The following GRM7 variants were observed in gnomAD, a reference collection of about 807,000 sequenced individuals.
GRM7 encodes glutamate metabotropic receptor 7, also known as metabotropic glutamate receptor 7.
In GRM7, 35 loss-of-function variants were observed where a neutral mutation model predicts 84.5. That is an observed-to-expected ratio of 0.41 (90% CI 0.32 to 0.55). The LOEUF is 0.55. Among genes scored for constraint, GRM7 ranks in the 20% least tolerant of loss-of-function variants. GRM7 has a pLI of 0.19. For missense variants in GRM7, 1,003 were observed against 1,194.6 expected (o/e 0.84, Z 2.36); for synonymous variants, 487 against 455.1 (o/e 1.07, Z -0.89).
At chr3:7,113,246 T>A (rs1314688636) in intron 1 of GRM7, among the ~76,000 whole-genome samples, 2 of 152,174 alleles carry the variant, frequency 1.3e-5, no homozygotes, top group Non-Finnish European at 2.9e-5. Flanking sequence ...TGTCATAGTT[T>A]AATTATAGTG....
At chr3:7,705,508 G>A (rs1701356549) in intron 9 of GRM7, among the ~76,000 whole-genome samples, 1 of 152,148 alleles carries the variant, frequency 6.6e-6, no homozygotes, top group Admixed American at 6.5e-5. Flanking sequence ...CTGCAACTGT[G>A]AAAAACCTCT....
At position 7,531,743 on chromosome 3, in the gene GRM7, C is replaced by T. The variant is rs541119617; in HGVS notation, c.1516-46679C>T. The stretch of plus-strand genomic sequence containing the variant: ...TTTTCTAAATAGACAATCATGTAAT[C>T]TGCAAACAGAGACAATTTGACTTCC... On this transcript the variant is annotated intron_variant, in intron 7 of 9. Transcript: ENST00000357716. Among the ~76,000 whole-genome samples, 59 of 152,260 alleles carry T rather than the reference C, an allele frequency of 3.9e-4. No homozygotes were observed. The South Asian group carries it at 0.012, about 31-fold the overall frequency.
rs532417182 is a variant in GRM7, at chr3:6,968,017, T to A, written c.519+106110T>A. ...AGGGACATTGATTTACCCTGAGACT[T>A]GTGTATTCCCTAGGGCTGCCATAAC... On this transcript the variant is annotated intron_variant, in intron 1 of 9. Transcript: ENST00000357716. Among the ~76,000 whole-genome samples the A allele has an allele frequency of 3.8e-4, 58 of 152,306 alleles. No individual in the cohort carries two copies. The South Asian group carries it at 4.4e-3, about 11-fold the overall frequency.
chr3:6,894,416 A>C (rs913627920), intron 1 of GRM7, among the ~76,000 whole-genome samples: 1 of 152,154 alleles, frequency 6.6e-6, no homozygotes, highest in Non-Finnish European at 1.5e-5. Flanking sequence ...ATGATTCTTT[A>C]GGTGATATTA....
At chr3:7,034,573 A>G (rs1435892845) in intron 1 of GRM7, among the ~76,000 whole-genome samples, 1 of 152,228 alleles carries the variant, frequency 6.6e-6, no homozygotes, top group Admixed American at 6.5e-5. Flanking sequence ...GAACTTCATT[A>G]TTACTTTTTT....
At chr3:7,444,607 T>C (rs1249765346) in intron 5 of GRM7, among the ~76,000 whole-genome samples, 1 of 152,172 alleles carries the variant, frequency 6.6e-6, no homozygotes. Flanking sequence ...AGGACACCTT[T>C]CACATGTTTG....
At chr3:6,877,514 A>G (rs999858526) in intron 1 of GRM7, among the ~76,000 whole-genome samples, 2 of 152,182 alleles carry the variant, frequency 1.3e-5, no homozygotes, top group Non-Finnish European at 2.9e-5. Context: ...TTACATGCCA[A>G]GCAAGGGCCT....
At chr3:7,484,468 G>A (rs994689616) in intron 7 of GRM7, among the ~76,000 whole-genome samples, 3 of 152,144 alleles carry the variant, frequency 2.0e-5, no homozygotes, top group Admixed American at 6.6e-5. Context: ...TACCCATAAA[G>A]TGTGAGAGTA....
intron 8 of GRM7, among the ~76,000 whole-genome samples, chr3:7,664,443 T>TG (rs1420585872): frequency 2.6e-5 from 4 of 152,214 alleles, no homozygotes; most frequent in South Asian, 4.1e-4. Context: ...ACTGGAGATC[T>TG]GGGGTACCTT....
chr3:7,122,952 G>A (rs1034669795), intron 1 of GRM7, among the ~76,000 whole-genome samples: 1 of 152,088 alleles, frequency 6.6e-6, no homozygotes, highest in Admixed American at 6.5e-5. Flanking sequence ...TATAAAACAA[G>A]CATTCCTGAG....
chr3:7,580,419 A>C (rs1189585384), intron 8 of GRM7, among the ~76,000 whole-genome samples: 1 of 152,176 alleles, frequency 6.6e-6, no homozygotes, highest in Non-Finnish European at 1.5e-5. Context: ...TCAGGGACTC[A>C]AATGGGAAAA....
intron 8 of GRM7, among the ~76,000 whole-genome samples, chr3:7,663,823 C>A (rs1337611394): frequency 6.6e-6 from 1 of 152,120 alleles, no homozygotes; most frequent in African/African-American, 2.4e-5. Flanking sequence ...TTATAAACAG[C>A]CTTTATACGA....
intron 8 of GRM7, among the ~76,000 whole-genome samples, chr3:7,644,571 A>G (rs1022234889): frequency 6.6e-6 from 1 of 152,200 alleles, no homozygotes; most frequent in Non-Finnish European, 1.5e-5. Context: ...TTATTCCTCA[A>G]TCTTTATTCC....
chr3:7,039,541 G>T (rs1696513633), intron 1 of GRM7, among the ~76,000 whole-genome samples: 1 of 152,122 alleles, frequency 6.6e-6, no homozygotes, highest in Admixed American at 6.5e-5. Context: ...GCAACATTTT[G>T]CTTGTGAATA....
At chr3:7,318,230 G>A (rs1478202747) in intron 4 of GRM7, among the ~76,000 whole-genome samples, 4 of 151,658 alleles carry the variant, frequency 2.6e-5, no homozygotes, top group Non-Finnish European at 5.9e-5. Flanking sequence ...CAAGAAAACA[G>A]TTTTTATCTG....
chr3:7,355,718 C>T (rs1363267864), intron 4 of GRM7, among the ~76,000 whole-genome samples: 4 of 152,046 alleles, frequency 2.6e-5, no homozygotes, highest in African/African-American at 9.7e-5. Flanking sequence ...CAGCAGGACT[C>T]CATCATCAAA....
At chr3:7,264,473 C>G (rs1474114095) in intron 2 of GRM7, among the ~76,000 whole-genome samples, 1 of 152,120 alleles carries the variant, frequency 6.6e-6, no homozygotes, top group Non-Finnish European at 1.5e-5. Flanking sequence ...GAGCAGGTTG[C>G]TCCTTGCCTG....
chr3:7,045,058 G>C (rs900762171), intron 1 of GRM7, among the ~76,000 whole-genome samples: 10 of 152,176 alleles, frequency 6.6e-5, no homozygotes, highest in African/African-American at 2.4e-4. Flanking sequence ...AGAAGATTCT[G>C]TGTTAATGTG....
chr3:7,525,722 T>C (rs1205588680), intron 7 of GRM7, among the ~76,000 whole-genome samples: 1 of 152,032 alleles, frequency 6.6e-6, no homozygotes, highest in Non-Finnish European at 1.5e-5. Context: ...TCCCCACTTT[T>C]TGATTCCTTG....
Sources: gnomAD v4.1 joint callset for allele counts (sites outside exome capture counted in the v4.1 genomes callset) on GRCh38, gnomAD v4.1.1 for gene constraint, MANE v1.5 for transcripts, NCBI Gene and HGNC (gene_info 2026-07-23, HGNC 2026-07-21) for gene names.